PRKG2: variants seen among roughly 807,000 people sequenced by gnomAD.
PRKG2 encodes protein kinase cGMP-dependent 2, also known as cGMP-dependent protein kinase 2.
PRKG2 carries 33 observed loss-of-function variants against 97.2 expected under a neutral mutation model. The ratio of observed to expected loss-of-function variants is 0.34; its 90% CI spans 0.26 to 0.45. The LOEUF (loss-of-function observed/expected upper bound fraction) is 0.45. Ranked by LOEUF, PRKG2 falls within the 20% of genes least tolerant of loss-of-function variation. The pLI, the probability that PRKG2 is intolerant of heterozygous loss-of-function variation, is 1.00. For missense variants in PRKG2, 638 were observed against 900.0 expected (o/e 0.71, Z 3.73); for synonymous variants, 330 against 321.8 (o/e 1.03, Z -0.27).
chr4:81,126,882 C>T (rs1171019528), intron 14 of PRKG2, among the ~76,000 whole-genome samples: 2 of 152,138 alleles, frequency 1.3e-5, no homozygotes, highest in African/African-American at 4.8e-5. Context: ...AAATTAGATC[C>T]CATTTGTCAA....
intron 7 of PRKG2, 181 bp downstream of exon 7, chr4:81,153,463 G>T: frequency 1.9e-6 from 1 of 516,716 alleles, no homozygotes; most frequent in Non-Finnish European, 3.4e-6. Flanking sequence ...TTTCTTAGGG[G>T]GTCCTGTGGC....
At chr4:81,187,410 C>A (rs1000148441) in intron 2 of PRKG2, among the ~76,000 whole-genome samples, 37 of 152,080 alleles carry the variant, frequency 2.4e-4, no homozygotes, top group African/African-American at 8.5e-4. Flanking sequence ...AAAAGGACTT[C>A]AACAAAATTC....
chr4:81,187,858 T>C (rs904820620), intron 2 of PRKG2, among the ~76,000 whole-genome samples: 9 of 151,960 alleles, frequency 5.9e-5, no homozygotes, highest in South Asian at 2.1e-4. Context: ...TTACACCTTA[T>C]ACAAAAATCA....
chr4:81,110,654 T>G, intron 14 of PRKG2, 43 bp from the exon 15 acceptor site: 1 of 1,605,306 alleles, frequency 6.2e-7, no homozygotes, highest in Non-Finnish European at 8.5e-7. Context: ...ACCATAAAAC[T>G]CATGCTCCTC....
chr4:81,109,025 C>T (rs1370633929), intron 15 of PRKG2, among the ~76,000 whole-genome samples: 1 of 152,172 alleles, frequency 6.6e-6, no homozygotes. Flanking sequence ...CTTACAAATG[C>T]AGCTGACAAA....
chr4:81,204,853 A>G lies in PRKG2; in HGVS notation c.195T>C (p.Ile65=). The G allele has an allele frequency of 6.2e-7, 1 of 1,614,158 alleles. No individual in the cohort carries two copies. Among genetic ancestry groups the G allele is most frequent in the Non-Finnish European group, 8.5e-7 (1 of 1,180,034 alleles). ...REQLSKQTVA[I]AELTEELQNK... ...TCTGGAGCTCCTCTGTGAGTTCAGC[A>G]ATGGCCACAGTCTGCTTCGACAGCT... Residue 65 remains isoleucine, a synonymous_variant, in exon 2 of 19, where the codon ATT becomes ATC. Coordinates refer to ENST00000264399, the MANE Select transcript of PRKG2 (RefSeq NM_006259.3).
At chr4:81,109,211 G>A (rs1743660700) in intron 15 of PRKG2, among the ~76,000 whole-genome samples, 2 of 152,188 alleles carry the variant, frequency 1.3e-5, no homozygotes, top group African/African-American at 2.4e-5. Context: ...CTCAATGCAA[G>A]GTGTAAAATG....
intron 17 of PRKG2, among the ~76,000 whole-genome samples, chr4:81,102,340 C>T (rs1742884956): frequency 6.6e-6 from 1 of 152,060 alleles, no homozygotes; most frequent in African/African-American, 2.4e-5. Context: ...CTTCTATTTC[C>T]CAGCTATGCC....
chr4:81,196,431 T>A (rs1752963468), intron 2 of PRKG2, among the ~76,000 whole-genome samples: 1 of 152,222 alleles, frequency 6.6e-6, no homozygotes, highest in Admixed American at 6.5e-5. Context: ...AAAACCAATA[T>A]GCTTGCATTT....
chr4:81,177,434 G>T (rs183148727), intron 2 of PRKG2, among the ~76,000 whole-genome samples: 1 of 152,070 alleles, frequency 6.6e-6, no homozygotes, highest in Non-Finnish European at 1.5e-5. Context: ...GGCCAGGCGC[G>T]GTGGCTCACG....
At chr4:81,103,813 A>G (rs1743050921) in intron 17 of PRKG2, among the ~76,000 whole-genome samples, 1 of 152,082 alleles carries the variant, frequency 6.6e-6, no homozygotes, top group Admixed American at 6.6e-5. Flanking sequence ...CAGGTGGATC[A>G]TGAGGTCAGG....
chr4:81,120,885 A>G (rs1383521445), intron 14 of PRKG2, among the ~76,000 whole-genome samples: 1 of 152,136 alleles, frequency 6.6e-6, no homozygotes, highest in East Asian at 1.9e-4. Context: ...CTTAGTGGAA[A>G]AGTTTCTGGT....
chr4:81,136,250 C>A (rs1321096137), intron 13 of PRKG2, among the ~76,000 whole-genome samples: 1 of 152,120 alleles, frequency 6.6e-6, no homozygotes, highest in Non-Finnish European at 1.5e-5. Flanking sequence ...TCTTTCCTTG[C>A]CTAAGTCAGT....
In PRKG2 at chr4:81,089,811, A is replaced by G; in HGVS notation, c.2194-8T>C. The G allele has an allele frequency of 2.5e-6, 4 of 1,578,084 alleles. No individual in the cohort carries two copies. The South Asian group carries it at 4.4e-5, about 18-fold the overall frequency. ...ATCTATGGGTCCCTTGAGCTAATAT[A>G]GAAATAATTAAAACAAAAGGAAGAA... On this transcript the variant is annotated splice_region_variant and splice_polypyrimidine_tract_variant and intron_variant, in intron 18 of 18. Coordinates refer to ENST00000264399, the MANE Select transcript of PRKG2 (RefSeq NM_006259.3).
At chr4:81,179,244 T>C (rs1319710655) in intron 2 of PRKG2, among the ~76,000 whole-genome samples, 2 of 151,602 alleles carry the variant, frequency 1.3e-5, no homozygotes, top group African/African-American at 2.4e-5. Flanking sequence ...GAAAACCATA[T>C]CTAGGCCTAC....
chr4:81,110,682 C>T, intron 14 of PRKG2, 71 bp from the exon 15 acceptor site: 3 of 1,537,820 alleles, frequency 2.0e-6, no homozygotes, highest in East Asian at 2.3e-5. Flanking sequence ...CTCCCTCTTA[C>T]CTCTGAAATC....
At chr4:81,154,835 C>T (rs1182472725) in intron 6 of PRKG2, among the ~76,000 whole-genome samples, 2 of 152,104 alleles carry the variant, frequency 1.3e-5, no homozygotes, top group African/African-American at 2.4e-5. Context: ...TACGGGAGGA[C>T]ATTTAAACCA....
rs376361787 is a variant in PRKG2 at position 81,096,082 on chromosome 4, T to G, written c.2127-3630A>C. Among the ~76,000 whole-genome samples the G allele has an allele frequency of 2.1e-4, 32 of 152,324 alleles. 1 individual carries two copies. Among genetic ancestry groups the G allele is most frequent in the African/African-American group, 7.7e-4 (32 of 41,568 alleles). ...GTCATGCCTTGGTGTTGATGGCTGC[T>G]GACTGACAAGGGCAGGGGTCGCTGA... On this transcript the variant is annotated intron_variant, in intron 17 of 18. Transcript: ENST00000264399.
At chr4:81,170,854 T>C (rs1474991056) in intron 4 of PRKG2, among the ~76,000 whole-genome samples, 2 of 152,122 alleles carry the variant, frequency 1.3e-5, no homozygotes, top group African/African-American at 4.8e-5. Context: ...CAGAACCTCG[T>C]TGAGACTAGC....
Sources: allele counts gnomAD v4.1 joint callset (sites outside exome capture counted in the v4.1 genomes callset), GRCh38; gene constraint gnomAD v4.1.1; transcripts MANE v1.5; gene names NCBI Gene and HGNC (gene_info 2026-07-23, HGNC 2026-07-21).